NOL4L: variants seen among roughly 807,000 people sequenced by gnomAD.
The protein encoded by NOL4L is nucleolar protein 4 like.
NOL4L carries 7 observed loss-of-function variants against 64.5 expected under a neutral mutation model. That is an observed-to-expected ratio of 0.11 (90% CI 0.06 to 0.20). NOL4L has a LOEUF of 0.20. Ranked by LOEUF, NOL4L falls within the 10% of genes least tolerant of loss-of-function variation. The pLI is 1.00. For synonymous variants in NOL4L, 413 were observed against 401.0 expected (o/e 1.03, Z -0.36); for missense variants, 680 against 967.1 (o/e 0.70, Z 3.94).
At chr20:32,465,781 G>A (rs1037791364) in intron 5 of NOL4L, among the ~76,000 whole-genome samples, 2 of 152,312 alleles carry the variant, frequency 1.3e-5, no homozygotes, top group Admixed American at 1.3e-4. Flanking sequence ...ACGCCAACGC[G>A]GCCTGGTCAC....
At chr20:32,477,236 T>C (rs1202007742) in intron 4 of NOL4L, among the ~76,000 whole-genome samples, 1 of 152,154 alleles carries the variant, frequency 6.6e-6, no homozygotes, top group Admixed American at 6.5e-5. Flanking sequence ...TCACTACAGG[T>C]CCACCAGGTA....
chr20:32,578,159 G>A (rs1217394757), intron 1 of NOL4L, among the ~76,000 whole-genome samples: 6 of 135,612 alleles, frequency 4.4e-5, no homozygotes, highest in African/African-American at 1.1e-4. Context: ...AGGGAGGGAG[G>A]GAGGGAGGGA....
chr20:32,475,261 G>A, intron 4 of NOL4L: 1 of 985,454 alleles, frequency 1.0e-6, no homozygotes, highest in Non-Finnish European at 1.2e-6. Flanking sequence ...CAGCCCAGAG[G>A]ACGTTTCTGT....
At chr20:32,462,915 A>AAAAAAAAAAAAAAAAAAAAAAAC (rs1389511738) in intron 5 of NOL4L, among the ~76,000 whole-genome samples, 1 of 150,380 alleles carries the variant, frequency 6.6e-6, no homozygotes, top group Non-Finnish European at 1.5e-5. Flanking sequence ...AAAAAAAAAA[A>AAAAAAAAAAAAAAAAAAAAAAAC]AAAAAAAACT....
intron 4 of NOL4L, among the ~76,000 whole-genome samples, chr20:32,480,071 G>C (rs775059173): frequency 1.3e-5 from 2 of 152,210 alleles, no homozygotes; most frequent in Non-Finnish European, 2.9e-5. Context: ...TCCATGGCTT[G>C]TAACTACGGG....
At chr20:32,531,519 A>AT (rs1206998866) in intron 1 of NOL4L, among the ~76,000 whole-genome samples, 7 of 152,046 alleles carry the variant, frequency 4.6e-5, no homozygotes, top group African/African-American at 1.7e-4. Flanking sequence ...CACCTGGCTA[A>AT]TTTTTGTATT....
chr20:32,566,597 G>A (rs376554970), intron 1 of NOL4L, among the ~76,000 whole-genome samples: 43 of 152,226 alleles, frequency 2.8e-4, no homozygotes, highest in African/African-American at 1.0e-3. Context: ...CTCCTGCCTC[G>A]GGGCCTTTGC....
chr20:32,454,092 G>GCCC, intron 6 of NOL4L: 1 of 280,390 alleles, frequency 3.6e-6, no homozygotes, highest in Non-Finnish European at 6.9e-6. Context: ...GACCTGCCAC[G>GCCC]TGTACAGGGG....
At chr20:32,569,797 G>A (rs1309318205) in intron 1 of NOL4L, among the ~76,000 whole-genome samples, 2 of 152,110 alleles carry the variant, frequency 1.3e-5, no homozygotes, top group East Asian at 3.9e-4. Flanking sequence ...CCACAGAGGC[G>A]GTACCTAGCA....
intron 4 of NOL4L, among the ~76,000 whole-genome samples, chr20:32,477,476 G>T (rs2015465881): frequency 6.6e-6 from 1 of 152,236 alleles, no homozygotes. Flanking sequence ...GTGGGTCTCT[G>T]CCCTGTCTTT....
At chr20:32,473,607 C>G (rs2015178811) in intron 5 of NOL4L, among the ~76,000 whole-genome samples, 1 of 152,254 alleles carries the variant, frequency 6.6e-6, no homozygotes, top group Non-Finnish European at 1.5e-5. Context: ...CTTCGGGAGG[C>G]AGGCGCGCAG....
chr20:32,447,322 T>TGTCA lies in NOL4L; in HGVS notation c.*270_*273dup, dbSNP rs1373628575. The TGTCA allele has an allele frequency of 1.6e-6, 1 of 606,518 alleles. No individual in the cohort carries two copies. Among genetic ancestry groups the TGTCA allele is most frequent in the Non-Finnish European group, 3.0e-6 (1 of 331,478 alleles). 37.6% of individuals were successfully genotyped at this position (606,518 alleles called of 1,614,324 possible). A position where few individuals can be genotyped will look rare whatever the true frequency, so the allele number is the denominator to read the frequency against. ...AAACAGAGCTGCAGCCCCAGCGCCTTGTCAGGGGAGCCCCCAACCCTTCCA... is the reference window on the plus strand; with the variant it reads ...AAACAGAGCTGCAGCCCCAGCGCCTTGTCAGTCAGGGGAGCCCCCAACCCTTCCA... On this transcript the variant is annotated 3_prime_UTR_variant, in exon 11 of 11. Transcript: ENST00000621426.
intron 1 of NOL4L, among the ~76,000 whole-genome samples, chr20:32,539,691 T>C (rs2018619289): frequency 6.6e-6 from 1 of 152,212 alleles, no homozygotes; most frequent in African/African-American, 2.4e-5. Context: ...TCTTCTTAAC[T>C]GGTGATCTTG....
At chr20:32,483,014 C>G (rs1017873523) in intron 4 of NOL4L, among the ~76,000 whole-genome samples, 1 of 151,216 alleles carries the variant, frequency 6.6e-6, no homozygotes, top group Non-Finnish European at 1.5e-5. Context: ...CGGCGCGCAC[C>G]CCGGGAGTGG....
At chr20:32,496,957 C>T (rs1435469039) in intron 4 of NOL4L, among the ~76,000 whole-genome samples, 2 of 144,518 alleles carry the variant, frequency 1.4e-5, no homozygotes, top group Non-Finnish European at 3.0e-5. Flanking sequence ...GAATAGGGGT[C>T]GGGGAGCTAC....
rs1315685985 is a variant in NOL4L at position 32,488,827 on chromosome 20, T to TCC, written c.700-14086_700-14085insGG. 6.9e-4 allele frequency among the ~76,000 whole-genome samples: 23 copies of TCC among 33,148 alleles called. 1 individual carries two copies. Among genetic ancestry groups the TCC allele is most frequent in the Middle Eastern group, 0.023 (2 of 86 alleles). 21.7% of individuals were successfully genotyped at this position (33,148 alleles called of 152,430 possible). A position where few individuals can be genotyped will look rare whatever the true frequency, so the allele number is the denominator to read the frequency against. Reference sequence around the variant, plus strand: ...TCTTTTTCTTTCTTTCTTTCTTTCTTTTTCTTTCTTTCTTTCTTTCTTTCT... The same window carrying TCC: ...TCTTTTTCTTTCTTTCTTTCTTTCTTCCTTTCTTTCTTTCTTTCTTTCTTTCT... On this transcript the variant is annotated intron_variant, in intron 4 of 10. Coordinates refer to ENST00000621426, the MANE Select transcript of NOL4L (RefSeq NM_001256798.2).
intron 1 of NOL4L, chr20:32,532,329 T>C: frequency 1.0e-6 from 1 of 985,126 alleles, no homozygotes; most frequent in Non-Finnish European, 1.2e-6. Context: ...TGAACTGTCC[T>C]CTGGTGAGCT....
At chr20:32,533,152 A>G (rs932051656) in intron 1 of NOL4L, among the ~76,000 whole-genome samples, 8 of 152,214 alleles carry the variant, frequency 5.3e-5, no homozygotes, top group Non-Finnish European at 1.0e-4. Context: ...AAACCTACAC[A>G]TTTATGGAGC....
intron 1 of NOL4L, among the ~76,000 whole-genome samples, chr20:32,544,997 T>C (rs1371438322): frequency 1.3e-5 from 2 of 151,864 alleles, no homozygotes; most frequent in Non-Finnish European, 2.9e-5. Flanking sequence ...ATCTAGGCAG[T>C]GTGACTCCAG....
Sources: gnomAD v4.1 joint callset for allele counts (sites outside exome capture counted in the v4.1 genomes callset) on GRCh38, gnomAD v4.1.1 for gene constraint, MANE v1.5 for transcripts, NCBI Gene and HGNC (gene_info 2026-07-23, HGNC 2026-07-21) for gene names.